CREB5: variants seen among roughly 807,000 people sequenced by gnomAD.
CREB5 encodes cAMP responsive element binding protein 5, also known as cyclic AMP-responsive element-binding protein 5.
A neutral mutation model predicts 57.1 loss-of-function variants in CREB5; 19 were observed. The observed-to-expected ratio is 0.33, with a 90% confidence interval of 0.23 to 0.49. CREB5 has a LOEUF of 0.49. Among genes scored for constraint, CREB5 ranks in the 20% least tolerant of loss-of-function variants. The pLI is 0.99. For synonymous variants in CREB5, 238 were observed against 238.3 expected (o/e 1.00, Z 0.01); for missense variants, 579 against 671.6 (o/e 0.86, Z 1.52).
intron 5 of CREB5, among the ~76,000 whole-genome samples, chr7:28,626,927 A>T (rs1798015365): frequency 6.6e-6 from 1 of 152,180 alleles, no homozygotes; most frequent in African/African-American, 2.4e-5. Context: ...AGCAGCCAGG[A>T]TGTGATACAG....
chr7:28,423,808 T>C (rs1355115206), intron 1 of CREB5, among the ~76,000 whole-genome samples: 1 of 152,160 alleles, frequency 6.6e-6, no homozygotes, highest in Non-Finnish European at 1.5e-5. Context: ...CTTTGGTAAC[T>C]TCTCCCAGAG....
At chr7:28,578,566 C>T (rs193300070) in intron 5 of CREB5, among the ~76,000 whole-genome samples, 24 of 152,224 alleles carry the variant, frequency 1.6e-4, no homozygotes, top group East Asian at 3.9e-4. Flanking sequence ...GGTGTCCCTG[C>T]GGGCATTTCA....
chr7:28,521,125 A>G (rs1793187584), intron 4 of CREB5, among the ~76,000 whole-genome samples: 1 of 152,196 alleles, frequency 6.6e-6, no homozygotes, highest in Non-Finnish European at 1.5e-5. Context: ...CACCCATTGC[A>G]CAGTGCATGT....
At chr7:28,551,276 G>A (rs956159800) in intron 4 of CREB5, among the ~76,000 whole-genome samples, 9 of 152,086 alleles carry the variant, frequency 5.9e-5, no homozygotes, top group African/African-American at 2.2e-4. Context: ...ATTATCTTTG[G>A]TGTTGTTGAA....
chr7:28,604,609 AAAT>A (rs1179348896), intron 5 of CREB5, among the ~76,000 whole-genome samples: 4 of 151,482 alleles, frequency 2.6e-5, no homozygotes, highest in Non-Finnish European at 2.9e-5. Flanking sequence ...GTAAATAATA[AAAT>A]AATAAATATT....
intron 7 of CREB5, among the ~76,000 whole-genome samples, chr7:28,754,860 C>T (rs740315): frequency 0.19 from 29,336 of 152,108 alleles, 2,982 homozygotes; most frequent in Middle Eastern, 0.24. Context: ...ATGGGTACTA[C>T]GCCTTTGCTT....
chr7:28,642,143 G>T (rs930052714), intron 5 of CREB5, among the ~76,000 whole-genome samples: 4 of 152,092 alleles, frequency 2.6e-5, no homozygotes, highest in South Asian at 2.1e-4. Context: ...GCATGAACTG[G>T]TTTTTTTCTT....
chr7:28,533,552 A>G (rs1793824317), intron 4 of CREB5, among the ~76,000 whole-genome samples: 1 of 152,242 alleles, frequency 6.6e-6, no homozygotes, highest in Admixed American at 6.5e-5. Flanking sequence ...CCGGAAGGAC[A>G]TAGCATTTTA....
intron 4 of CREB5, among the ~76,000 whole-genome samples, chr7:28,548,754 T>G (rs1413560953): frequency 6.6e-6 from 1 of 152,222 alleles, no homozygotes; most frequent in East Asian, 1.9e-4. Context: ...TATGTTTTTT[T>G]CTAATTACGT....
chr7:28,333,884 T>G (rs534138110), intron 1 of CREB5, among the ~76,000 whole-genome samples: 29 of 152,342 alleles, frequency 1.9e-4, no homozygotes, highest in African/African-American at 6.5e-4. Flanking sequence ...TTCAATATAC[T>G]GATTTCCTTT....
At chr7:28,498,931 C>T (rs1021091264) in intron 3 of CREB5, among the ~76,000 whole-genome samples, 3 of 152,020 alleles carry the variant, frequency 2.0e-5, no homozygotes, top group Admixed American at 6.6e-5. Flanking sequence ...TTTTTGAGTG[C>T]CAAGTTTGAA....
chr7:28,544,866 C>T (rs1794356777), intron 4 of CREB5, among the ~76,000 whole-genome samples: 1 of 152,176 alleles, frequency 6.6e-6, no homozygotes, highest in Admixed American at 6.5e-5. Context: ...TTAATCCAGT[C>T]AGTGTGCAGA....
chr7:28,459,992 G>T (rs1322015728), intron 1 of CREB5, among the ~76,000 whole-genome samples: 1 of 152,184 alleles, frequency 6.6e-6, no homozygotes, highest in African/African-American at 2.4e-5. Context: ...TACAGCTGCA[G>T]GTCCTGTCCT....
intron 1 of CREB5, among the ~76,000 whole-genome samples, chr7:28,423,362 A>G (rs1292644546): frequency 1.3e-5 from 2 of 152,176 alleles, no homozygotes; most frequent in Non-Finnish European, 2.9e-5. Flanking sequence ...TCCTCATAGA[A>G]CTTGTACCAG....
intron 5 of CREB5, among the ~76,000 whole-genome samples, chr7:28,576,943 T>C (rs1311532857): frequency 6.6e-6 from 1 of 152,234 alleles, no homozygotes; most frequent in Non-Finnish European, 1.5e-5. Context: ...AATCATTCTT[T>C]CTGTGCTTAC....
At chr7:28,624,980 T>C (rs1242022370) in intron 5 of CREB5, among the ~76,000 whole-genome samples, 3 of 150,282 alleles carry the variant, frequency 2.0e-5, no homozygotes, top group Non-Finnish European at 4.4e-5. Flanking sequence ...ATTGGTACAG[T>C]AGTATCCACC....
intron 1 of CREB5, among the ~76,000 whole-genome samples, chr7:28,390,882 C>T (rs922410926): frequency 1.9e-4 from 29 of 152,042 alleles, no homozygotes; most frequent in Admixed American, 8.5e-4. Flanking sequence ...GTTTATGATT[C>T]GAACTCAAAC....
chr7:28,675,376 T>C (rs1800269597), intron 5 of CREB5, among the ~76,000 whole-genome samples: 1 of 152,206 alleles, frequency 6.6e-6, no homozygotes, highest in African/African-American at 2.4e-5. Context: ...CCCCAGCATC[T>C]TTTGTCCTGG....
chr7:28,312,279 C>T (rs895334363), intron 1 of CREB5, among the ~76,000 whole-genome samples: 1 of 151,826 alleles, frequency 6.6e-6, no homozygotes, highest in Admixed American at 6.6e-5. Flanking sequence ...AACCCAAAGG[C>T]AGCCTCTTTT....
Sources: gnomAD v4.1 joint callset for allele counts (sites outside exome capture counted in the v4.1 genomes callset) on GRCh38, gnomAD v4.1.1 for gene constraint, MANE v1.5 for transcripts, NCBI Gene and HGNC (gene_info 2026-07-23, HGNC 2026-07-21) for gene names.